Variants in ETV5 observed in about 807,000 individuals in gnomAD.
ETV5 encodes ETS translocation variant 5.
In ETV5, 10 loss-of-function variants were observed where a neutral mutation model predicts 70.0. That is an observed-to-expected ratio of 0.14 (90% CI 0.09 to 0.24). ETV5 has a LOEUF of 0.24. Ranked by LOEUF, ETV5 falls within the 10% of genes least tolerant of loss-of-function variation. ETV5 has a pLI of 1.00. For synonymous variants in ETV5, 216 were observed against 242.2 expected, an observed-to-expected ratio of 0.89 and a Z score of 1.01; for missense variants, 453 against 651.2, an observed-to-expected ratio of 0.70 and a Z score of 3.31.
rs114014232 is a variant in ETV5, at chr3:186,093,427, T to C, written c.232+11878A>G. Among the ~76,000 whole-genome samples, 964 of 152,324 alleles carry C rather than the reference T, an allele frequency of 6.3e-3. 11 individuals carry two copies. The highest frequency in any genetic ancestry group is 0.022 in the African/African-American group (923 of 41,562). ...TTTAAAGGTTTCCTTCTGCTAAGCATGGCTCAAGGATTGCAACATTCAGCA... is the reference window on the plus strand; with the variant it reads ...TTTAAAGGTTTCCTTCTGCTAAGCACGGCTCAAGGATTGCAACATTCAGCA... On this transcript the variant is annotated intron_variant, in intron 5 of 12. Transcript: ENST00000306376.
chr3:186,048,912 CA>C, intron 12 of ETV5, 52 bp from the exon 13 acceptor site: 2 of 1,479,616 alleles, frequency 1.4e-6, no homozygotes, highest in South Asian at 1.2e-5. Flanking sequence ...GGCATGGGAT[CA>C]GGGGAAGAGA....
At chr3:186,075,726 C>G (rs1418120050) in intron 7 of ETV5, among the ~76,000 whole-genome samples, 1 of 152,236 alleles carries the variant, frequency 6.6e-6, no homozygotes, top group African/African-American at 2.4e-5. Context: ...AGCATGCTAG[C>G]CTACCACAAT....
intron 6 of ETV5, 130 bp from the exon 7 acceptor site, chr3:186,080,234 C>T: frequency 1.5e-6 from 1 of 658,182 alleles, no homozygotes. Context: ...AGTTAAATCG[C>T]TCGTAGCCCC....
intron 11 of ETV5, among the ~76,000 whole-genome samples, chr3:186,055,876 G>C (rs2150141938): frequency 6.6e-6 from 1 of 152,286 alleles, no homozygotes; most frequent in African/African-American, 2.4e-5. Context: ...GTGTCTAAGA[G>C]TGTTGTTCCC....
chr3:186,103,026 C>T (rs1034660278), intron 5 of ETV5, among the ~76,000 whole-genome samples: 2 of 152,172 alleles, frequency 1.3e-5, no homozygotes, highest in Admixed American at 6.5e-5. Flanking sequence ...GAATCTATCC[C>T]TTCTTGAAGC....
chr3:186,096,112 C>T (rs1277010618), intron 5 of ETV5, among the ~76,000 whole-genome samples: 1 of 152,218 alleles, frequency 6.6e-6, no homozygotes, highest in East Asian at 1.9e-4. Context: ...AAACCCTATG[C>T]TGTTTCCACC....
chr3:186,059,020 AAAAAATAAAAT>A (rs1050713509), intron 9 of ETV5, among the ~76,000 whole-genome samples: 2 of 151,326 alleles, frequency 1.3e-5, no homozygotes, highest in South Asian at 2.1e-4. Context: ...CTCAAAAAAA[AAAAAATAAAAT>A]AAAAATAAAA....
At chr3:186,059,696 G>T (rs1713258957) in intron 9 of ETV5, among the ~76,000 whole-genome samples, 1 of 152,182 alleles carries the variant, frequency 6.6e-6, no homozygotes, top group African/African-American at 2.4e-5. Flanking sequence ...ATTGTGGTAA[G>T]TGCTATTAAG....
At chr3:186,071,760 C>T (rs1457259660) in intron 7 of ETV5, among the ~76,000 whole-genome samples, 2 of 151,474 alleles carry the variant, frequency 1.3e-5, no homozygotes, top group Non-Finnish European at 2.9e-5. Context: ...TACATGAGGT[C>T]GGGAGTTTGA....
At chr3:186,094,654 G>C (rs955074448) in intron 5 of ETV5, among the ~76,000 whole-genome samples, 2 of 152,196 alleles carry the variant, frequency 1.3e-5, no homozygotes, top group African/African-American at 4.8e-5. Context: ...TTAAAGGTCA[G>C]GAGACGAGAA....
chr3:186,108,293 C>T (rs1578566835), intron 1 of ETV5, among the ~76,000 whole-genome samples: 1 of 152,098 alleles, frequency 6.6e-6, no homozygotes, highest in Non-Finnish European at 1.5e-5. Context: ...CATCCCCAGG[C>T]CGCTGTTCCG....
intron 5 of ETV5, among the ~76,000 whole-genome samples, chr3:186,082,197 T>C (rs561685153): frequency 6.6e-6 from 1 of 152,344 alleles, no homozygotes; most frequent in South Asian, 2.1e-4. Flanking sequence ...GTTAGAATGG[T>C]TACTCCTTGT....
chr3:186,051,636 C>G (rs79376190), intron 12 of ETV5, among the ~76,000 whole-genome samples: 14,744 of 152,200 alleles, frequency 0.097, 898 homozygotes, highest in South Asian at 0.15. Flanking sequence ...ATTTGGAGGT[C>G]TAGGTGTTTT....
chr3:186,089,154 TAAAAA>T (rs1714124321), intron 5 of ETV5, among the ~76,000 whole-genome samples: 1 of 152,138 alleles, frequency 6.6e-6, no homozygotes, highest in African/African-American at 2.4e-5. Context: ...TTCTGGCACT[TAAAAA>T]AGAATATCTG....
chr3:186,102,148 G>C (rs1714474496), intron 5 of ETV5, among the ~76,000 whole-genome samples: 1 of 151,614 alleles, frequency 6.6e-6, no homozygotes, highest in African/African-American at 2.4e-5. Context: ...CTCTTTAGAA[G>C]TTGAACTTTT....
chr3:186,094,625 T>G (rs1714260613), intron 5 of ETV5, among the ~76,000 whole-genome samples: 1 of 152,194 alleles, frequency 6.6e-6, no homozygotes, highest in South Asian at 2.1e-4. Flanking sequence ...CTAGATGCCT[T>G]GAATTTCAGC....
Position 186,105,053 on chromosome 3 carries a change from ATTC to A in ETV5, c.232+249_232+251del, listed in dbSNP as rs1714554511. ...CACTGTGCCCAGTCAGCTTTACAATATTCTTAAGGTAAAAAGAAATTTAGGATA... is the reference window on the plus strand; with the variant it reads ...CACTGTGCCCAGTCAGCTTTACAATATTAAGGTAAAAAGAAATTTAGGATA... On this transcript the variant is annotated intron_variant, in intron 5 of 12. Coordinates refer to ENST00000306376, the MANE Select transcript of ETV5 (RefSeq NM_004454.3). The surrounding 1 kb of genome is among the most constrained non-coding windows in gnomAD (Gnocchi z 4.5). 1.3e-5 allele frequency: 5 copies of A among 370,974 alleles called. No homozygotes were observed. Among genetic ancestry groups the A allele is most frequent in the Middle Eastern group, 7.7e-4 (1 of 1,292 alleles). The allele number at this position is 370,974 out of a possible 1,614,324, so 23.0% of individuals were successfully genotyped here.
chr3:186,081,199 G>C (rs1713926878), intron 5 of ETV5, 24 bp from the exon 6 acceptor site: 8 of 1,601,736 alleles, frequency 5.0e-6, no homozygotes, highest in Non-Finnish European at 6.8e-6. Context: ...AGGGATGAGA[G>C]GGGAATAGAG....
intron 12 of ETV5, 112 bp from the exon 13 acceptor site, chr3:186,048,972 TACCCCAATCACTCAG>T: frequency 1.2e-6 from 1 of 813,646 alleles, no homozygotes; most frequent in Non-Finnish European, 2.0e-6. Context: ...AGCAGCCGAT[TACCCCAATCACTCAG>T]ACTTATTTTG....
Sources: gnomAD v4.1 joint callset for allele counts (sites outside exome capture counted in the v4.1 genomes callset) on GRCh38, gnomAD v4.1.1 for gene constraint, Gnocchi (gnomAD v3.1) non-coding constraint, MANE v1.5 for transcripts, NCBI Gene and HGNC (gene_info 2026-07-23, HGNC 2026-07-21) for gene names.